ASPH: variants seen among roughly 807,000 people sequenced by gnomAD.
ASPH encodes aspartate beta-hydroxylase.
ASPH carries 100 observed loss-of-function variants against 118.4 expected under a neutral mutation model. The ratio of observed to expected loss-of-function variants is 0.84; its 90% CI spans 0.72 to 1.00. The LOEUF (loss-of-function observed/expected upper bound fraction) is 1.00, where lower values mean the gene tolerates loss of function less well. ASPH is among the 50% of genes least tolerant of loss of function. The pLI is 0.00. For synonymous variants in ASPH, 315 were observed against 325.6 expected (o/e 0.97, Z 0.35); for missense variants, 920 against 919.5 (o/e 1.00, Z -0.01).
At chr8:61,619,132 C>T in intron 13 of ASPH, 113 bp from the exon 14 acceptor site, 1 of 661,092 alleles carries the variant, frequency 1.5e-6, no homozygotes, top group Non-Finnish European at 2.4e-6. Context: ...AAAAATATAT[C>T]TGAGCATACA....
intron 21 of ASPH, among the ~76,000 whole-genome samples, chr8:61,544,287 G>A (rs1823012479): frequency 6.6e-6 from 1 of 152,172 alleles, no homozygotes; most frequent in South Asian, 2.1e-4. Context: ...AATGTACAGA[G>A]TTCTAAAGAA....
At chr8:61,665,293 A>G in intron 3 of ASPH, 12 of 1,612,190 alleles carry the variant, frequency 7.4e-6, no homozygotes, top group Non-Finnish European at 1.0e-5. Context: ...TTAAGTGTGC[A>G]TATCTGGTAG....
chr8:61,510,843 T>C (rs915801459), intron 24 of ASPH, among the ~76,000 whole-genome samples: 12 of 152,226 alleles, frequency 7.9e-5, no homozygotes, highest in Non-Finnish European at 1.6e-4. Context: ...GCTTCAGTGA[T>C]GACCTGTGGA....
chr8:61,707,291 G>A (rs73269297), intron 1 of ASPH, among the ~76,000 whole-genome samples: 7,491 of 150,810 alleles, frequency 0.05, 265 homozygotes, highest in African/African-American at 0.1. Flanking sequence ...AAAAACAGAA[G>A]AATAGGCAAG....
intron 3 of ASPH, among the ~76,000 whole-genome samples, chr8:61,680,150 CTAAGAAGAA>C: frequency 6.6e-6 from 1 of 151,770 alleles, no homozygotes; most frequent in African/African-American, 2.4e-5. Flanking sequence ...ACAATGTTAA[CTAAGAAGAA>C]TTTGTTTGGG....
intron 18 of ASPH, among the ~76,000 whole-genome samples, chr8:61,561,276 C>T (rs183114742): frequency 6.6e-6 from 1 of 152,164 alleles, no homozygotes; most frequent in Non-Finnish European, 1.5e-5. Flanking sequence ...TTCTCTTAAC[C>T]ATACTCTGTA....
At chr8:61,627,891 C>A (rs1424280325) in intron 13 of ASPH, among the ~76,000 whole-genome samples, 1 of 152,182 alleles carries the variant, frequency 6.6e-6, no homozygotes, top group African/African-American at 2.4e-5. Flanking sequence ...TTCTGCCATT[C>A]ATTCACAAGG....
In ASPH at chr8:61,584,119, T is replaced by C; in HGVS notation, c.977-90A>G. ...AATTTACAAGTAGTGGGAAACCTGA[T>C]GCTGGTCTCCACCAAAGACCTGCAG... On this transcript the variant is annotated intron_variant, in intron 14 of 24. Transcript: ENST00000379454. 5 of 794,934 alleles carry C rather than the reference T, an allele frequency of 6.3e-6. No individual in the cohort carries two copies. In the Middle Eastern group the frequency reaches 1.1e-3, roughly 168 times the overall value. 49.2% of individuals were successfully genotyped at this position (794,934 alleles called of 1,614,324 possible).
At chr8:61,589,752 C>T (rs182389394) in intron 14 of ASPH, among the ~76,000 whole-genome samples, 9 of 152,188 alleles carry the variant, frequency 5.9e-5, no homozygotes, top group Non-Finnish European at 1.2e-4. Context: ...TTAAAGTGCC[C>T]GTTTTCCAAA....
chr8:61,554,747 C>T (rs28695881), intron 19 of ASPH, among the ~76,000 whole-genome samples: 2,430 of 152,112 alleles, frequency 0.016, 84 homozygotes, highest in African/African-American at 0.055. Context: ...ATATTATACA[C>T]ATTTTTTAGA....
chr8:61,638,554 T>C (rs562781096), intron 10 of ASPH, among the ~76,000 whole-genome samples, 191 bp from the exon 11 acceptor site: 69 of 152,284 alleles, frequency 4.5e-4, no homozygotes, highest in Non-Finnish European at 9.1e-4. Flanking sequence ...TGGATTCTAA[T>C]TCCAGGGCAG....
intron 3 of ASPH, among the ~76,000 whole-genome samples, chr8:61,678,755 T>C (rs1265639216): frequency 6.6e-6 from 1 of 152,076 alleles, no homozygotes; most frequent in African/African-American, 2.4e-5. Context: ...CCTACCCTCC[T>C]CCTTCCCCTT....
At chr8:61,543,949 C>A (rs1822882655) in intron 21 of ASPH, among the ~76,000 whole-genome samples, 1 of 152,126 alleles carries the variant, frequency 6.6e-6, no homozygotes, top group Non-Finnish European at 1.5e-5. Flanking sequence ...GGGAATAGAG[C>A]TTTTCTTGCA....
intron 14 of ASPH, among the ~76,000 whole-genome samples, chr8:61,611,957 A>G (rs1257821732): frequency 6.6e-6 from 1 of 152,102 alleles, no homozygotes; most frequent in Non-Finnish European, 1.5e-5. Flanking sequence ...AACAAATTAC[A>G]TACACAATCC....
intron 3 of ASPH, chr8:61,656,468 T>C (rs1327139696): frequency 6.6e-6 from 1 of 152,204 alleles, no homozygotes; most frequent in Non-Finnish European, 1.5e-5. Context: ...AGGAAATTTT[T>C]TCCAGAAGCT....
intron 10 of ASPH, among the ~76,000 whole-genome samples, chr8:61,642,527 C>T (rs374806980): frequency 1.4e-4 from 21 of 152,266 alleles, no homozygotes; most frequent in African/African-American, 4.8e-4. Flanking sequence ...ATCTTGTAGT[C>T]AAACTATAGG....
At chr8:61,650,645 A>G (rs1810494168) in intron 5 of ASPH, among the ~76,000 whole-genome samples, 1 of 152,200 alleles carries the variant, frequency 6.6e-6, no homozygotes. Context: ...TATGTAATTA[A>G]AAGTGTCATC....
At position 61,567,188 on chromosome 8, in the gene ASPH, G is replaced by C; in HGVS notation, c.1280C>G (p.Ser427Ter). Residue 427 changes from serine to a stop codon, truncating the protein, a stop_gained, in exon 17 of 25, where the codon TCA becomes TGA. Transcript: ENST00000379454. LOFTEE classifies it high-confidence loss of function. ...DLLKLSLKRRSDRQQFLGHMR... is the reference protein window; with the variant it reads ...DLLKLSLKRR ...CTTACCTAGAAATTGTTGCCTGTCT[G>C]AGCGACGCTTCAAACTCAGCTTCAG... The C allele has an allele frequency of 6.2e-7, 1 of 1,613,700 alleles. No individual in the cohort carries two copies. Among genetic ancestry groups the C allele is most frequent in the South Asian group, 1.1e-5 (1 of 91,014 alleles).
At chr8:61,514,961 G>A (rs1055170163) in intron 24 of ASPH, among the ~76,000 whole-genome samples, 15 of 151,370 alleles carry the variant, frequency 9.9e-5, no homozygotes, top group Middle Eastern at 6.8e-3. Flanking sequence ...GGCAGGAGGC[G>A]GGTGGACAGG....
Sources: gnomAD v4.1 joint callset for allele counts (sites outside exome capture counted in the v4.1 genomes callset) on GRCh38, gnomAD v4.1.1 for gene constraint, MANE v1.5 for transcripts, NCBI Gene and HGNC (gene_info 2026-07-23, HGNC 2026-07-21) for gene names.